Variants in KLF13 observed in about 807,000 individuals in gnomAD.
The protein encoded by KLF13 is KLF transcription factor 13.
KLF13 carries 8 observed loss-of-function variants against 16.7 expected under a neutral mutation model. The observed-to-expected ratio is 0.48, with a 90% CI of 0.28 to 0.87. KLF13 has a LOEUF of 0.87. KLF13 is among the 40% of genes least tolerant of loss of function. The pLI is 0.10. For synonymous variants in KLF13, 245 were observed against 208.4 expected, an observed-to-expected ratio of 1.18 and a Z score of -1.51; for missense variants, 447 against 452.2, an observed-to-expected ratio of 0.99 and a Z score of 0.10.
intron 1 of KLF13, among the ~76,000 whole-genome samples, chr15:31,346,939 G>T (rs757314975): frequency 1.3e-5 from 2 of 152,186 alleles, no homozygotes; most frequent in Non-Finnish European, 2.9e-5. Context: ...GAGGGGCAGC[G>T]TAGGGTCCTG....
chr15:31,428,254 T>A (rs2040423164), intron 1 of KLF13, among the ~76,000 whole-genome samples: 1 of 152,112 alleles, frequency 6.6e-6, no homozygotes, highest in South Asian at 2.1e-4. Context: ...AGAGCTGCAG[T>A]TTGCAAGATT....
At chr15:31,400,725 G>A (rs1345591402) in intron 2 of KLF13, among the ~76,000 whole-genome samples, 1 of 151,546 alleles carries the variant, frequency 6.6e-6, no homozygotes, top group African/African-American at 2.4e-5. Flanking sequence ...GTGGAGGAGG[G>A]TCGAGGGAGG....
chr15:31,435,117 GT>G (rs1009640490), intron 1 of KLF13, among the ~76,000 whole-genome samples: 1 of 152,172 alleles, frequency 6.6e-6, no homozygotes, highest in African/African-American at 2.4e-5. Flanking sequence ...CAACGTGTGT[GT>G]TTTTACTTCT....
At chr15:31,369,594 A>G (rs896073149) in intron 1 of KLF13, among the ~76,000 whole-genome samples, 1 of 152,082 alleles carries the variant, frequency 6.6e-6, no homozygotes, top group African/African-American at 2.4e-5. Flanking sequence ...CCTGAAGTTT[A>G]CCCAGCCTTT....
intron 1 of KLF13, among the ~76,000 whole-genome samples, chr15:31,385,806 T>C (rs144491386): frequency 1.3e-5 from 2 of 152,248 alleles, no homozygotes; most frequent in African/African-American, 4.8e-5. Flanking sequence ...AGTGTTCAAG[T>C]GAAGGGAAGA....
intron 1 of KLF13, among the ~76,000 whole-genome samples, chr15:31,334,466 C>G (rs1158534322): frequency 6.6e-6 from 1 of 151,750 alleles, no homozygotes; most frequent in East Asian, 1.9e-4. Context: ...TTGCTCTTGT[C>G]CCCCAGGCTG....
chr15:31,394,787 C>G (rs1271383364), intron 2 of KLF13, among the ~76,000 whole-genome samples: 3 of 152,146 alleles, frequency 2.0e-5, no homozygotes, highest in African/African-American at 7.2e-5. Flanking sequence ...AACCCTGTAC[C>G]CTTTAGCTAT....
In KLF13 at chr15:31,422,487, G is replaced by A. The variant is rs570107576; in HGVS notation, n.118-12883G>A. Among the ~76,000 whole-genome samples the A allele has an allele frequency of 2.8e-5, 4 of 141,834 alleles. No individual in the cohort carries two copies. The South Asian group carries it at 9.7e-4, about 34-fold the overall frequency. The allele number at this position is 141,834 out of a possible 152,430, so 93.0% of individuals were successfully genotyped here. On this transcript the variant is annotated intron_variant and non_coding_transcript_variant, in intron 1 of 1. Transcript: ENST00000558225. ...ACTCACTCATTACCATGAGAATATG[G>A]GGGAAACCATCCCCATGATCAAATT...
intron 1 of KLF13, among the ~76,000 whole-genome samples, chr15:31,384,101 T>A (rs1412536565): frequency 6.6e-6 from 1 of 152,126 alleles, no homozygotes; most frequent in Non-Finnish European, 1.5e-5. Flanking sequence ...TTAAAACACT[T>A]TTCTCTATAG....
In KLF13 at chr15:31,433,000, G is replaced by A. The variant is rs548114398; in HGVS notation, n.118-2370G>A. On this transcript the variant is annotated intron_variant and non_coding_transcript_variant, in intron 1 of 1. Coordinates refer to the KLF13 transcript ENST00000558225. Reference sequence around the variant, plus strand: ...ATGGTGGCACATGCCTGATTCCAGCGCCCACTGCACTCCAGCCTGGGCGAC... The same window carrying A: ...ATGGTGGCACATGCCTGATTCCAGCACCCACTGCACTCCAGCCTGGGCGAC... Among the ~76,000 whole-genome samples the A allele has an allele frequency of 9.2e-5, 14 of 152,180 alleles. 1 individual carries two copies. The highest frequency in any genetic ancestry group is 2.0e-4 in the Admixed American group (3 of 15,300).
intron 1 of KLF13, among the ~76,000 whole-genome samples, chr15:31,339,653 G>A (rs576417598): frequency 3.3e-5 from 5 of 152,364 alleles, no homozygotes; most frequent in African/African-American, 9.6e-5. Flanking sequence ...GACTGAGCCC[G>A]AGGAGCGCCC....
At chr15:31,391,169 A>G (rs984397364), upstream of KLF13, among the ~76,000 whole-genome samples, 1 of 35,658 alleles carries the variant, frequency 2.8e-5, no homozygotes. Context: ...TGTAGGGCTG[A>G]GGGGGTTGTG....
At chr15:31,414,882 TA>T (rs1459630011) in intron 1 of KLF13, among the ~76,000 whole-genome samples, 8 of 152,216 alleles carry the variant, frequency 5.3e-5, no homozygotes, top group African/African-American at 1.9e-4. Flanking sequence ...ATGGTTTGGA[TA>T]TTTGGCCCCT....
intron 1 of KLF13, among the ~76,000 whole-genome samples, chr15:31,359,250 T>C (rs1426746945): frequency 6.6e-6 from 1 of 152,246 alleles, no homozygotes; most frequent in African/African-American, 2.4e-5. Flanking sequence ...AGGTGGCTTC[T>C]GGCCTTCTGT....
downstream of KLF13, among the ~76,000 whole-genome samples, chr15:31,405,270 C>T (rs1384275897): frequency 1.3e-5 from 2 of 152,106 alleles, no homozygotes; most frequent in Admixed American, 6.5e-5. Context: ...GCCGAGATCG[C>T]ACCACTGCAC....
exon 2 of KLF13, chr15:31,435,659 G>T: frequency 6.6e-6 from 1 of 152,288 alleles, no homozygotes; most frequent in Non-Finnish European, 1.5e-5. Context: ...AAAGAGAGTT[G>T]CTCAGACGTC....
At chr15:31,343,988 T>C (rs1187102632) in intron 1 of KLF13, among the ~76,000 whole-genome samples, 1 of 152,206 alleles carries the variant, frequency 6.6e-6, no homozygotes, top group Non-Finnish European at 1.5e-5. Context: ...GAGCCACGCA[T>C]TGCAAGTGGC....
At chr15:31,435,329 T>C (rs1319129794) in intron 1 of KLF13, 1 of 152,168 alleles carries the variant, frequency 6.6e-6, no homozygotes, top group Non-Finnish European at 1.5e-5. Context: ...GTGGTGTGTT[T>C]AATCTCAAAA....
At position 31,425,297 on chromosome 15, in the gene KLF13, G is replaced by A. The variant is rs865814783; in HGVS notation, n.118-10073G>A. ...AGAAAAAATTTTCTAAAATGTATAT[G>A]GAATCCTAAAGAATCCTAAGGAATA... On this transcript the variant is annotated intron_variant and non_coding_transcript_variant, in intron 1 of 1. Transcript: ENST00000558225. Among the ~76,000 whole-genome samples, 15 of 152,178 alleles carry A rather than the reference G, an allele frequency of 9.9e-5. 1 individual carries two copies. The South Asian group carries it at 3.1e-3, about 32-fold the overall frequency.
Sources: gnomAD v4.1 joint callset for allele counts (sites outside exome capture counted in the v4.1 genomes callset) on GRCh38, gnomAD v4.1.1 for gene constraint, MANE v1.5 for transcripts, NCBI Gene and HGNC (gene_info 2026-07-23, HGNC 2026-07-21) for gene names.